KRT7: variants seen among roughly 807,000 people sequenced by gnomAD.
The protein encoded by KRT7 is keratin, type II cytoskeletal 7.
Under a neutral mutation model 42.8 loss-of-function variants are expected in KRT7, and 50 were observed. That is an observed-to-expected ratio of 1.17 (90% confidence interval 0.93 to 1.48). The LOEUF (loss-of-function observed/expected upper bound fraction) is 1.48. KRT7 is among the 40% of genes most tolerant of loss of function. KRT7 has a pLI of 0.00. For synonymous variants in KRT7, 268 were observed against 266.3 expected (o/e 1.01, Z -0.06); for missense variants, 588 against 637.6 (o/e 0.92, Z 0.84).
chr12:52,251,656 C>T (rs1446456638), downstream of KRT7: 1 of 258,292 alleles, frequency 3.9e-6, no homozygotes. Context: ...ATGGTATAAT[C>T]TAATGGGACT....
At chr12:52,235,494 G>A (rs1942001538) in intron 2 of KRT7, 128 bp downstream of exon 2, 3 of 748,688 alleles carry the variant, frequency 4.0e-6, no homozygotes, top group Admixed American at 5.8e-5. Flanking sequence ...AACTCCCTGA[G>A]GGGCCAGTCT....
downstream of KRT7, chr12:52,252,258 T>C: frequency 3.7e-6 from 6 of 1,613,160 alleles, no homozygotes; most frequent in South Asian, 1.1e-5. Flanking sequence ...GCTGTGGTCC[T>C]CACCTCTGCT....
intron 8 of KRT7, 24 bp from the exon 9 acceptor site, chr12:52,248,567 G>A (rs1565723426): frequency 6.4e-7 from 1 of 1,551,860 alleles, no homozygotes; most frequent in Non-Finnish European, 8.7e-7. Flanking sequence ...ACGCTGAAGA[G>A]AGCCCTCCTC....
downstream of KRT7, chr12:52,253,455 C>T: frequency 3.3e-6 from 5 of 1,538,248 alleles, no homozygotes; most frequent in Non-Finnish European, 4.5e-6. Context: ...CATGGCAGTC[C>T]TGCCCTGCTA....
chr12:52,253,759 G>A (rs13377619), downstream of KRT7: 24,110 of 936,894 alleles, frequency 0.026, 413 homozygotes, highest in African/African-American at 0.064. Context: ...TGGAGAACGC[G>A]GATCTCCTGC....
downstream of KRT7, chr12:52,253,798 A>G (rs1282864010): frequency 1.6e-6 from 1 of 635,346 alleles, no homozygotes; most frequent in Non-Finnish European, 2.9e-6. Context: ...AGAGCTTCTT[A>G]GACCAGAGCC....
downstream of KRT7, among the ~76,000 whole-genome samples, chr12:52,254,595 T>A (rs1942314954): frequency 6.6e-6 from 1 of 152,178 alleles, no homozygotes; most frequent in African/African-American, 2.4e-5. Flanking sequence ...TTGCAGGTAC[T>A]TCCTCTGGCA....
chr12:52,239,219 T>A (rs981108302), intron 4 of KRT7, among the ~76,000 whole-genome samples: 6 of 152,190 alleles, frequency 3.9e-5, no homozygotes, highest in Non-Finnish European at 8.8e-5. Context: ...ATTTGACTTA[T>A]GACCTAAGTA....
chr12:52,255,305 G>A (rs534891712), downstream of KRT7: 50 of 456,636 alleles, frequency 1.1e-4, no homozygotes, highest in African/African-American at 9.2e-4. Flanking sequence ...TTCTGTCTCT[G>A]GCCTCCATTC....
At chr12:52,240,582 A>G (rs1190828868) in intron 4 of KRT7, among the ~76,000 whole-genome samples, 1 of 151,940 alleles carries the variant, frequency 6.6e-6, no homozygotes, top group African/African-American at 2.4e-5. Context: ...GTGAGCCAAG[A>G]TTGTGCCACT....
At chr12:52,237,730 G>A (rs1330892757) in intron 3 of KRT7, 161 bp downstream of exon 3, 1 of 225,652 alleles carries the variant, frequency 4.4e-6, no homozygotes, top group Admixed American at 9.6e-5. Context: ...GCGTGTATGT[G>A]TGTGTGTGTG....
rs990255083 is a variant in KRT7, at chr12:52,248,710, G to A, written c.1360G>A (p.Ala454Thr). ...SSSAGPGLLK[A>T]YSIRTASASR... The stretch of plus-strand genomic sequence containing the variant: ...CAGTGCGGGTCCTGGGCTCCTGAAG[G>A]CTTATTCCATCCGGACCGCATCCGC... Residue 454 changes from alanine (A) to threonine (T), a missense_variant, in exon 9 of 9, where the codon GCT becomes ACT. By Grantham distance (58) the Ala-to-Thr change is moderately conservative. Transcript: ENST00000331817. 4 of 1,610,924 alleles carry A rather than the reference G, an allele frequency of 2.5e-6. No homozygotes were observed. The highest frequency in any genetic ancestry group is 2.7e-5 in the African/African-American group (2 of 74,794).
At position 52,248,191 on chromosome 12, in the gene KRT7, G is replaced by A; in HGVS notation, c.1220G>A (p.Gly407Glu). 3 of 1,614,136 alleles carry A rather than the reference G, an allele frequency of 1.9e-6. No individual in the cohort carries two copies. The highest frequency in any genetic ancestry group is 2.5e-6 in the Non-Finnish European group (3 of 1,180,018). Residue 407 changes from glycine (G) to glutamate (E), a missense_variant, in exon 8 of 9, where the codon GGA (glycine) becomes GAA (glutamate). Gly to Glu is a moderately conservative substitution (Grantham distance 98, BLOSUM62 -2). Transcript: ENST00000331817. ...EGEESRLAGD[G>E]VGAVNISVMN... ...TCTGCCCCCAGGTTGGCTGGAGATG[G>A]AGTGGGAGCCGTGAATATCTGTAAG...
intron 6 of KRT7, chr12:52,244,979 C>T (rs1942147129): frequency 5.1e-6 from 1 of 195,476 alleles, no homozygotes; most frequent in Non-Finnish European, 1.0e-5. Context: ...CCATGGTCTT[C>T]GAGCTCCTGC....
chr12:52,243,237 G>A lies in KRT7; in HGVS notation c.984+100G>A, dbSNP rs1942120004. On this transcript the variant is annotated intron_variant, in intron 6 of 8. Coordinates refer to ENST00000331817, the MANE Select transcript of KRT7 (RefSeq NM_005556.4). ...GTGGAGCAGGAGGTTCCCATCTCCC[G>A]GCCAAAGCTGGTGCCACTGTCTCAG... The A allele has an allele frequency of 1.4e-5, 19 of 1,377,226 alleles. No homozygotes were observed. In the South Asian group the frequency reaches 1.4e-4, roughly 10 times the overall value. 85.3% of individuals were successfully genotyped at this position (1,377,226 alleles called of 1,614,324 possible).
intron 6 of KRT7, chr12:52,243,409 A>G (rs528951465): frequency 2.5e-6 from 1 of 404,914 alleles, no homozygotes; most frequent in Admixed American, 4.3e-5. Flanking sequence ...TTCCACATTG[A>G]TACTGAGCAC....
chr12:52,248,799 C>T lies in KRT7; in HGVS notation c.*39C>T. On this transcript the variant is annotated 3_prime_UTR_variant, in exon 9 of 9. Coordinates refer to ENST00000331817, the MANE Select transcript of KRT7 (RefSeq NM_005556.4). ...ACTCCACTCCTCCAGCCACCACCCA[C>T]AATCACAAGAAGATTCCCACCCCTG... 1 of 1,489,330 alleles carries T rather than the reference C, an allele frequency of 6.7e-7. No homozygotes were observed. Among genetic ancestry groups the T allele is most frequent in the Non-Finnish European group, 8.9e-7 (1 of 1,121,382 alleles). The allele number at this position is 1,489,330 out of a possible 1,614,324, so 92.3% of individuals were successfully genotyped here.
chr12:52,252,326 G>A (rs752821837), downstream of KRT7: 1 of 1,614,074 alleles, frequency 6.2e-7, no homozygotes, highest in Non-Finnish European at 8.5e-7. Flanking sequence ...CCAGCTTGGA[G>A]TTCATCACCT....
downstream of KRT7, chr12:52,255,315 C>A (rs117844128): frequency 4.8e-3 from 2,214 of 456,734 alleles, 14 homozygotes; most frequent in Non-Finnish European, 6.7e-3. Context: ...GGCCTCCATT[C>A]TGAGTTAGGG....
Sources: gnomAD v4.1 joint callset for allele counts (sites outside exome capture counted in the v4.1 genomes callset) on GRCh38, gnomAD v4.1.1 for gene constraint, MANE v1.5 for transcripts, NCBI Gene and HGNC (gene_info 2026-07-23, HGNC 2026-07-21) for gene names.